Variants in CSMD1 observed in about 807,000 individuals in gnomAD.
CSMD1 encodes the protein CUB and Sushi multiple domains 1.
Under a neutral mutation model 417.5 loss-of-function variants are expected in CSMD1, and 213 were observed. The ratio of observed to expected loss-of-function variants is 0.51; its 90% confidence interval spans 0.46 to 0.57. CSMD1 has a LOEUF of 0.57. Among genes scored for constraint, CSMD1 ranks in the 20% least tolerant of loss-of-function variants. The pLI, the probability that CSMD1 is intolerant of heterozygous loss-of-function variation, is 0.00. For missense variants in CSMD1, 6,923 were observed against 4,529.7 expected (o/e 1.53, Z -15.17); for synonymous variants, 2,862 against 1,736.8 (o/e 1.65, Z -16.11).
chr8:4,331,015 G>C (rs182173017), intron 3 of CSMD1, among the ~76,000 whole-genome samples: 1 of 152,246 alleles, frequency 6.6e-6, no homozygotes, highest in Admixed American at 6.5e-5. Context: ...TAAGTTCTTA[G>C]TGCATTATCT....
At chr8:3,571,146 C>G (rs1449092332) in intron 10 of CSMD1, among the ~76,000 whole-genome samples, 1 of 152,108 alleles carries the variant, frequency 6.6e-6, no homozygotes, top group Non-Finnish European at 1.5e-5. Context: ...CAAAATTTAC[C>G]TCCAACTGAC....
intron 2 of CSMD1, among the ~76,000 whole-genome samples, chr8:4,465,632 G>A (rs796674402): frequency 6.6e-6 from 1 of 152,130 alleles, no homozygotes; most frequent in South Asian, 2.1e-4. Flanking sequence ...GGCCTCAGTA[G>A]AACAAGATTT....
At chr8:4,975,917 T>G (rs919878071) in intron 1 of CSMD1, among the ~76,000 whole-genome samples, 1 of 152,240 alleles carries the variant, frequency 6.6e-6, no homozygotes, top group African/African-American at 2.4e-5. Flanking sequence ...GTTGCTCACA[T>G]TGGCCATATG....
chr8:3,744,954 C>T (rs981773308), intron 6 of CSMD1, among the ~76,000 whole-genome samples: 2 of 152,146 alleles, frequency 1.3e-5, no homozygotes, highest in African/African-American at 4.8e-5. Context: ...TTAATGAGGA[C>T]AGGGCTGAGG....
intron 22 of CSMD1, among the ~76,000 whole-genome samples, chr8:3,343,821 T>A (rs1013394985): frequency 2.0e-5 from 3 of 152,196 alleles, no homozygotes; most frequent in African/African-American, 7.2e-5. Context: ...ATTTATAATA[T>A]TTTAGTCTTG....
chr8:3,911,454 C>T (rs2627409), intron 5 of CSMD1, among the ~76,000 whole-genome samples: 1 of 151,062 alleles, frequency 6.6e-6, no homozygotes, highest in African/African-American at 2.4e-5. Context: ...CGTGAACCCG[C>T]GAGGCGGAGC....
At chr8:4,777,209 C>A (rs10503281) in intron 1 of CSMD1, among the ~76,000 whole-genome samples, 2 of 152,110 alleles carry the variant, frequency 1.3e-5, no homozygotes, top group African/African-American at 4.8e-5. Flanking sequence ...TTACCAAAGA[C>A]AGCTAAACCA....
chr8:3,418,660 T>C (rs1350812438), intron 12 of CSMD1, among the ~76,000 whole-genome samples: 1 of 151,946 alleles, frequency 6.6e-6, no homozygotes. Context: ...GAGAAGCAGG[T>C]TTTCCAGTGA....
chr8:3,562,262 G>A (rs982863439), intron 10 of CSMD1, among the ~76,000 whole-genome samples: 3 of 152,078 alleles, frequency 2.0e-5, no homozygotes, highest in South Asian at 2.1e-4. Flanking sequence ...GTGGCATGGA[G>A]GCCACAAAAC....
intron 27 of CSMD1, 135 bp downstream of exon 27, chr8:3,229,905 G>A (rs113009564): frequency 2.3e-5 from 14 of 612,542 alleles, no homozygotes; most frequent in African/African-American, 1.9e-4. Flanking sequence ...AATTTCAGGA[G>A]TCTCAGAGAG....
At chr8:3,632,260 C>G (rs907905528) in intron 7 of CSMD1, among the ~76,000 whole-genome samples, 1 of 152,102 alleles carries the variant, frequency 6.6e-6, no homozygotes, top group African/African-American at 2.4e-5. Flanking sequence ...TTTGATAATG[C>G]ATCTTAAATC....
At chr8:4,342,152 C>G (rs940996534) in intron 3 of CSMD1, among the ~76,000 whole-genome samples, 2 of 151,958 alleles carry the variant, frequency 1.3e-5, no homozygotes, top group African/African-American at 4.8e-5. Context: ...CTAAGACTGT[C>G]TACCAAGCCA....
At chr8:3,248,932 G>T (rs1351076827) in intron 26 of CSMD1, among the ~76,000 whole-genome samples, 2 of 152,002 alleles carry the variant, frequency 1.3e-5, no homozygotes, top group African/African-American at 2.4e-5. Context: ...ACCTTTTCTA[G>T]TCAGAAAAAT....
intron 1 of CSMD1, among the ~76,000 whole-genome samples, chr8:4,650,885 T>G (rs1000393943): frequency 2.0e-5 from 3 of 152,202 alleles, no homozygotes; most frequent in Non-Finnish European, 2.9e-5. Context: ...TGAACAGAAG[T>G]GTTGATCTAT....
chr8:3,099,556 C>A (rs1815583550), intron 46 of CSMD1, among the ~76,000 whole-genome samples: 1 of 152,170 alleles, frequency 6.6e-6, no homozygotes, highest in Admixed American at 6.5e-5. Flanking sequence ...AATCTCTCTA[C>A]CCTGCATTTT....
At chr8:3,863,098 C>T (rs1804830430) in intron 5 of CSMD1, among the ~76,000 whole-genome samples, 1 of 151,766 alleles carries the variant, frequency 6.6e-6, no homozygotes, top group Non-Finnish European at 1.5e-5. Context: ...ATCCCTCAAG[C>T]TTTTTTAAAG....
Position 3,997,729 on chromosome 8 carries a change from T to G in CSMD1, c.818+174A>C, listed in dbSNP as rs181425224. 3.4e-3 allele frequency among the ~76,000 whole-genome samples: 514 copies of G among 152,124 alleles called. 2 individuals carry two copies. Among genetic ancestry groups the G allele is most frequent in the South Asian group, 7.5e-3 (36 of 4,814 alleles). On this transcript the variant is annotated intron_variant, in intron 5 of 69. Transcript: ENST00000635120. ...CCAGCACAAAGACATCTTAGAAACT[T>G]TGAAATTACTCACAGTAAAGGTAAC...
chr8:3,382,764 T>C (rs920458464), intron 18 of CSMD1, among the ~76,000 whole-genome samples: 1 of 151,740 alleles, frequency 6.6e-6, no homozygotes, highest in Non-Finnish European at 1.5e-5. Flanking sequence ...GTATATTACA[T>C]GGAGAATGCA....
chr8:4,932,303 T>G (rs905825670), intron 1 of CSMD1, among the ~76,000 whole-genome samples: 7 of 150,736 alleles, frequency 4.6e-5, no homozygotes, highest in Admixed American at 2.0e-4. Context: ...AAAGTAACAT[T>G]TGGTACCAAG....
Sources: gnomAD v4.1 joint callset for allele counts (sites outside exome capture counted in the v4.1 genomes callset) on GRCh38, gnomAD v4.1.1 for gene constraint, MANE v1.5 for transcripts, NCBI Gene and HGNC (gene_info 2026-07-23, HGNC 2026-07-21) for gene names.